Variants in CUEDC1 observed in about 807,000 individuals in gnomAD.
The protein encoded by CUEDC1 is CUE domain containing 1.
Under a neutral mutation model 43.7 loss-of-function variants are expected in CUEDC1, and 30 were observed. That is an observed-to-expected ratio of 0.69 (90% CI 0.51 to 0.93). The LOEUF (loss-of-function observed/expected upper bound fraction) is 0.93, where lower values mean the gene tolerates loss of function less well. Among genes scored for constraint, CUEDC1 ranks in the 40% least tolerant of loss-of-function variants. The pLI is 0.00. For missense variants in CUEDC1, 486 were observed against 549.0 expected (o/e 0.89, Z 1.15); for synonymous variants, 223 against 223.6 (o/e 1.00, Z 0.02).
intron 1 of CUEDC1, among the ~76,000 whole-genome samples, chr17:57,945,775 T>A (rs2074955128): frequency 6.6e-6 from 1 of 152,098 alleles, no homozygotes; most frequent in Non-Finnish European, 1.5e-5. Flanking sequence ...ATCCCAGCAC[T>A]TTGGGAGGCT....
At chr17:57,942,268 G>T (rs2074923350) in intron 1 of CUEDC1, among the ~76,000 whole-genome samples, 2 of 152,188 alleles carry the variant, frequency 1.3e-5, no homozygotes, top group Admixed American at 6.5e-5. Context: ...GATGTTCCAG[G>T]AGGTCAGCCA....
chr17:57,867,606 A>G, intron 8 of CUEDC1, 191 bp from the exon 9 acceptor site: 5 of 599,538 alleles, frequency 8.3e-6, no homozygotes, highest in Non-Finnish European at 1.5e-5. Flanking sequence ...AGGCCCTGAC[A>G]CTCTCGCCCA....
intron 1 of CUEDC1, among the ~76,000 whole-genome samples, chr17:57,899,355 C>T (rs187434278): frequency 2.2e-4 from 33 of 152,336 alleles, no homozygotes; most frequent in African/African-American, 7.9e-4. Flanking sequence ...GCCCAGAGCC[C>T]AGCTGCCCAG....
chr17:57,885,109 G>C, intron 2 of CUEDC1, 120 bp downstream of exon 2: 1 of 1,447,306 alleles, frequency 6.9e-7, no homozygotes, highest in Non-Finnish European at 9.1e-7. Context: ...CCAGATAGCG[G>C]AGTAACCCAG....
At chr17:57,903,545 C>G (rs2074496451) in intron 1 of CUEDC1, among the ~76,000 whole-genome samples, 1 of 152,170 alleles carries the variant, frequency 6.6e-6, no homozygotes, top group African/African-American at 2.4e-5. Context: ...AGGTGGAAGT[C>G]AGCTTAGACA....
chr17:57,941,377 G>A (rs2074915826), intron 1 of CUEDC1, among the ~76,000 whole-genome samples: 1 of 152,166 alleles, frequency 6.6e-6, no homozygotes, highest in Admixed American at 6.6e-5. Flanking sequence ...TAAAAGTTAG[G>A]TAGACAGGGT....
intron 1 of CUEDC1, among the ~76,000 whole-genome samples, chr17:57,928,973 C>T (rs1598015893): frequency 6.6e-6 from 1 of 151,902 alleles, no homozygotes; most frequent in African/African-American, 2.4e-5. Flanking sequence ...TAATTCATTA[C>T]GGCAGCCCCA....
chr17:57,875,167 G>A (rs1452624007), intron 3 of CUEDC1, among the ~76,000 whole-genome samples: 2 of 152,140 alleles, frequency 1.3e-5, no homozygotes, highest in Non-Finnish European at 2.9e-5. Context: ...TAAGGGACTC[G>A]CAGACCACCC....
chr17:57,884,487 C>T lies in CUEDC1; in HGVS notation c.336+742G>A, dbSNP rs189029997. On this transcript the variant is annotated intron_variant, in intron 2 of 10. Coordinates refer to ENST00000577830, the MANE Select transcript of CUEDC1 (RefSeq NM_001271875.2). The stretch of plus-strand genomic sequence containing the variant: ...CTGGGATTACAGGCATGAGCCACCT[C>T]GCCCGGCCCCAGCCGCACTCTTTTT... Among the ~76,000 whole-genome samples, 175 of 151,932 alleles carry T rather than the reference C, an allele frequency of 1.2e-3. 2 individuals are homozygous for T. Among genetic ancestry groups the T allele is most frequent in the African/African-American group, 4.1e-3 (172 of 41,452 alleles).
At chr17:57,880,159 A>T (rs1253082559) in intron 2 of CUEDC1, among the ~76,000 whole-genome samples, 2 of 152,140 alleles carry the variant, frequency 1.3e-5, no homozygotes, top group Non-Finnish European at 2.9e-5. Context: ...GATAATGTGG[A>T]ATATTCGCAC....
intron 1 of CUEDC1, 94 bp from the exon 2 acceptor site, chr17:57,885,973 C>A (rs1236438651): frequency 6.2e-6 from 1 of 160,912 alleles, no homozygotes. Flanking sequence ...GGCAGGGAAC[C>A]GCGACCCCTA....
At chr17:57,952,866 C>T (rs1471741687) in intron 1 of CUEDC1, among the ~76,000 whole-genome samples, 1 of 152,116 alleles carries the variant, frequency 6.6e-6, no homozygotes, top group Non-Finnish European at 1.5e-5. Flanking sequence ...GCAGATCGTC[C>T]TAAAGCTCTT....
intron 1 of CUEDC1, among the ~76,000 whole-genome samples, chr17:57,936,616 G>C (rs547013424): frequency 1.3e-5 from 2 of 152,208 alleles, no homozygotes; most frequent in African/African-American, 4.8e-5. Context: ...CTCCAGGGCT[G>C]TTTCCACAGA....
At chr17:57,913,018 A>G (rs1257661239) in intron 1 of CUEDC1, among the ~76,000 whole-genome samples, 1 of 152,006 alleles carries the variant, frequency 6.6e-6, no homozygotes, top group African/African-American at 2.4e-5. Flanking sequence ...CTTACATTAA[A>G]ACAAATTTTT....
Position 57,885,578 on chromosome 17 carries a change from T to G in CUEDC1, c.-14A>C, listed in dbSNP as rs2144967505. The G allele has an allele frequency of 1.5e-6, 2 of 1,346,586 alleles. No individual in the cohort carries two copies. Among genetic ancestry groups the G allele is most frequent in the Middle Eastern group, 2.7e-4 (1 of 3,710 alleles). 83.4% of individuals were successfully genotyped at this position (1,346,586 alleles called of 1,614,324 possible). On this transcript the variant is annotated 5_prime_UTR_variant, in exon 2 of 11. Coordinates refer to ENST00000577830, the MANE Select transcript of CUEDC1 (RefSeq NM_001271875.2). ...CAGGCTGGTCATTTTGCGGAGCCGC[T>G]TGGGGAAAATGTTTCTAGCCGGCCG...
chr17:57,888,790 C>T (rs1236242527), intron 1 of CUEDC1, among the ~76,000 whole-genome samples: 1 of 152,246 alleles, frequency 6.6e-6, no homozygotes, highest in South Asian at 2.1e-4. Context: ...ACACAGGGGT[C>T]AGTGACTTGT....
At chr17:57,873,970 T>C (rs1281358331) in intron 3 of CUEDC1, among the ~76,000 whole-genome samples, 1 of 152,236 alleles carries the variant, frequency 6.6e-6, no homozygotes, top group Non-Finnish European at 1.5e-5. Context: ...TACAGAGCTG[T>C]CTGTCCACGG....
intron 1 of CUEDC1, among the ~76,000 whole-genome samples, chr17:57,933,069 C>A (rs2074824245): frequency 6.6e-6 from 1 of 152,146 alleles, no homozygotes; most frequent in African/African-American, 2.4e-5. Context: ...ATGATCCCCA[C>A]TTGTGAACCA....
In CUEDC1 at chr17:57,873,641, G is replaced by T. The variant is rs2074067704; in HGVS notation, c.541C>A (p.Leu181Ile). 6.2e-7 allele frequency: 1 copy of T among 1,604,882 alleles called. No homozygotes were observed. The highest frequency in any genetic ancestry group is 1.3e-5 in the African/African-American group (1 of 74,724). ...RNWNPPLLGNLPDDFLRILPQ... is the reference protein window; with the variant it reads ...RNWNPPLLGNIPDDFLRILPQ... ...AGGATGCGGAGAAAGTCATCCGGAA[G>T]GTTGCCCAGCAGTGGTGGGTTCCAG... Residue 181 changes from leucine (L) to isoleucine (I), a missense_variant, in exon 4 of 11, where the codon CTT becomes ATT. Transcript: ENST00000577830.
Sources: gnomAD v4.1 joint callset for allele counts (sites outside exome capture counted in the v4.1 genomes callset) on GRCh38, gnomAD v4.1.1 for gene constraint, MANE v1.5 for transcripts, NCBI Gene and HGNC (gene_info 2026-07-23, HGNC 2026-07-21) for gene names.